The following PCDHA9 variants were observed in gnomAD, a reference collection of about 807,000 sequenced individuals.
PCDHA9 encodes the protein protocadherin alpha 9, also known as protocadherin alpha-9.
PCDHA9 carries 62 observed loss-of-function variants against 62.0 expected under a neutral mutation model. That is an observed-to-expected ratio of 1.00 (90% CI 0.81 to 1.23). The LOEUF is 1.23. PCDHA9 is among the 50% of genes most tolerant of loss of function. PCDHA9 has a pLI of 0.00. For synonymous variants in PCDHA9, 557 were observed against 567.6 expected, an observed-to-expected ratio of 0.98 and a Z score of 0.27; for missense variants, 1,205 against 1,249.8, an observed-to-expected ratio of 0.96 and a Z score of 0.54.
chr5:140,928,525 G>A (rs200642808), intron 1 of PCDHA9: 1 of 1,614,182 alleles, frequency 6.2e-7, no homozygotes, highest in East Asian at 2.2e-5. Context: ...AAACTTGTTT[G>A]TGGTAGATAG....
In PCDHA9 at chr5:140,929,637, G is replaced by A. The variant is rs373869618; in HGVS notation, c.2395-49312G>A. ...CCAAAATATTTTATAAGCAACAGATGTGTAAGGCACTCTAATATTTAAAGT... is the reference window on the plus strand; with the variant it reads ...CCAAAATATTTTATAAGCAACAGATATGTAAGGCACTCTAATATTTAAAGT... On this transcript the variant is annotated intron_variant, in intron 1 of 3. Coordinates refer to ENST00000532602, the MANE Select transcript of PCDHA9 (RefSeq NM_031857.2). The A allele has an allele frequency of 1.4e-4, 52 of 378,290 alleles. No homozygotes were observed. The South Asian group carries it at 3.2e-3, about 23-fold the overall frequency. The allele number at this position is 378,290 out of a possible 1,614,324, so 23.4% of individuals were successfully genotyped here. A position where few individuals can be genotyped will look rare whatever the true frequency, so the allele number is the denominator to read the frequency against.
chr5:140,902,894 A>G (rs1370660183), intron 1 of PCDHA9, among the ~76,000 whole-genome samples: 1 of 152,170 alleles, frequency 6.6e-6, no homozygotes, highest in Non-Finnish European at 1.5e-5. Flanking sequence ...CTATTATTTT[A>G]TTTAGTTTAT....
chr5:141,001,269 C>A (rs536985121), intron 3 of PCDHA9, among the ~76,000 whole-genome samples: 2 of 152,152 alleles, frequency 1.3e-5, no homozygotes, highest in East Asian at 3.9e-4. Context: ...CTCTTATGAA[C>A]TTTTTTTACG....
chr5:140,876,815 T>G (rs782365798), intron 1 of PCDHA9: 1 of 1,614,148 alleles, frequency 6.2e-7, no homozygotes, highest in South Asian at 1.1e-5. Flanking sequence ...GTGGCCGACG[T>G]GAACGACAAT....
chr5:140,985,801 A>G (rs2097171670), intron 3 of PCDHA9, among the ~76,000 whole-genome samples: 1 of 135,588 alleles, frequency 7.4e-6, no homozygotes, highest in Admixed American at 8.6e-5. Flanking sequence ...GTGCAGTGGC[A>G]CGATCTCAGC....
At chr5:140,924,183 A>G (rs1554201796) in intron 1 of PCDHA9, among the ~76,000 whole-genome samples, 1 of 152,230 alleles carries the variant, frequency 6.6e-6, no homozygotes, top group Non-Finnish European at 1.5e-5. Context: ...GAAGCAGAAA[A>G]TTAGTTTTGG....
chr5:140,966,502 GGCA>G (rs2096011406), intron 1 of PCDHA9: 14 of 433,816 alleles, frequency 3.2e-5, no homozygotes, highest in South Asian at 2.3e-4. Context: ...GAGCTGTAGC[GGCA>G]GCAGCAGCAG....
At chr5:140,890,223 G>C (rs1218987173) in intron 1 of PCDHA9, among the ~76,000 whole-genome samples, 3 of 152,108 alleles carry the variant, frequency 2.0e-5, no homozygotes, top group Non-Finnish European at 4.4e-5. Context: ...CAGAGACCTA[G>C]TTGTTAAGCA....
chr5:140,972,479 C>G (rs782631191), intron 1 of PCDHA9, among the ~76,000 whole-genome samples: 1 of 151,994 alleles, frequency 6.6e-6, no homozygotes, highest in Non-Finnish European at 1.5e-5. Flanking sequence ...CAGCATTTAA[C>G]CCCAGACTCT....
At chr5:140,927,975 C>T in intron 1 of PCDHA9, 2 of 1,614,244 alleles carry the variant, frequency 1.2e-6, no homozygotes, top group Non-Finnish European at 1.7e-6. Context: ...TGATTGCTCT[C>T]TTTAGTGTAA....
rs2150467019 is a variant in PCDHA9, at chr5:140,850,103, C to G, written c.1608C>G (p.Ser536Arg). ...TGGAGCTGCTACAGTTCCAGGTGAG[C>G]GCGCGCGACGCGGGCGTGCCGCCTC... is the stretch of plus-strand genomic sequence containing the variant. ...EELELLQFQV[S>R]ARDAGVPPLG... Residue 536 changes from serine (S) to arginine (R), a missense_variant, in exon 1 of 4, where the codon AGC becomes AGG. Around this residue, in one of 3 missense-constraint regions of PCDHA9, gnomAD observed 887 missense variants for 809.5 expected, o/e 1.10. Transcript: ENST00000532602. The G allele has an allele frequency of 1.3e-6, 2 of 1,596,104 alleles. No homozygotes were observed. Among genetic ancestry groups the G allele is most frequent in the Admixed American group, 3.4e-5 (2 of 59,294 alleles).
chr5:140,875,749 G>A (rs782793601), intron 1 of PCDHA9: 3 of 1,614,264 alleles, frequency 1.9e-6, no homozygotes, highest in African/African-American at 1.3e-5. Flanking sequence ...GATCGACCGC[G>A]AGAAGCTGTG....
rs1274589805 is a variant in PCDHA9, at chr5:140,906,709, G to T, written c.2394+55820G>T. Among the ~76,000 whole-genome samples the T allele has an allele frequency of 3.3e-5, 5 of 152,190 alleles. No individual in the cohort carries two copies. In the East Asian group the frequency reaches 9.6e-4, roughly 29 times the overall value. ...AAGGATCTGGGCCATTTGTAGTCCT[G>T]CCTGGATTGTGCTGTTGTAGTTTCC... On this transcript the variant is annotated intron_variant, in intron 1 of 3. Transcript: ENST00000532602.
intron 1 of PCDHA9, among the ~76,000 whole-genome samples, chr5:140,977,305 AC>A (rs1424604910): frequency 6.6e-6 from 1 of 152,258 alleles, no homozygotes; most frequent in African/African-American, 2.4e-5. Flanking sequence ...TGACAAGCTA[AC>A]GATAGTGCTC....
At chr5:141,009,538 C>T (rs1159631714) in intron 3 of PCDHA9, 89 bp from the exon 4 acceptor site, 11 of 1,522,362 alleles carry the variant, frequency 7.2e-6, no homozygotes, top group African/African-American at 1.4e-5. Context: ...GTTCAGCCTG[C>T]CTATGCAGTA....
In PCDHA9 at chr5:141,011,189, A is replaced by G. The variant is rs573647175; in HGVS notation, c.*1252A>G. On this transcript the variant is annotated 3_prime_UTR_variant, in exon 4 of 4. Coordinates refer to ENST00000532602, the MANE Select transcript of PCDHA9 (RefSeq NM_031857.2). ...CAAGACCCAAAAATTGAAGAAAAAT[A>G]TTGTTTTCTCATACAGTGAGCAGAT... 1.3e-5 allele frequency: 2 copies of G among 153,810 alleles called. No homozygotes were observed. Among genetic ancestry groups the G allele is most frequent in the African/African-American group, 4.8e-5 (2 of 41,570 alleles). 9.5% of individuals were successfully genotyped at this position (153,810 alleles called of 1,614,324 possible).
chr5:140,876,873 C>G (rs781921402), intron 1 of PCDHA9: 1 of 1,614,128 alleles, frequency 6.2e-7, no homozygotes, highest in Non-Finnish European at 8.5e-7. Context: ...TGAAGGAGAA[C>G]AACCCGCCGG....
intron 1 of PCDHA9, chr5:140,858,677 T>A (rs1480959792): frequency 3.2e-6 from 2 of 629,026 alleles, no homozygotes; most frequent in African/African-American, 3.7e-5. Context: ...TTATTCTGAA[T>A]ACACTAATAT....
intron 1 of PCDHA9, chr5:140,875,247 A>G (rs1427742475): frequency 2.1e-6 from 2 of 962,258 alleles, no homozygotes; most frequent in Non-Finnish European, 2.9e-6. Context: ...TTACATAATC[A>G]GTCACATGAT....
Sources: gnomAD v4.1 joint callset for allele counts (sites outside exome capture counted in the v4.1 genomes callset) on GRCh38, gnomAD v4.1.1 for gene constraint, gnomAD v4.1.1 regional missense constraint, MANE v1.5 for transcripts, NCBI Gene and HGNC (gene_info 2026-07-23, HGNC 2026-07-21) for gene names.